IMMP2L: variants seen among roughly 807,000 people sequenced by gnomAD.
IMMP2L encodes inner mitochondrial membrane peptidase subunit 2.
In IMMP2L, 18 loss-of-function variants were observed where a neutral mutation model predicts 19.3. The ratio of observed to expected loss-of-function variants is 0.93; its 90% CI spans 0.64 to 1.38. The LOEUF (loss-of-function observed/expected upper bound fraction) is 1.38. Ranked by LOEUF, IMMP2L falls within the 40% of genes most tolerant of loss-of-function variation. The probability of loss-of-function intolerance (pLI) is 0.00; values close to 1 mark genes in which losing one functional copy is unlikely to be tolerated. For missense variants in IMMP2L, 233 were observed against 218.2 expected (o/e 1.07, Z -0.43); for synonymous variants, 76 against 73.0 (o/e 1.04, Z -0.21).
intron 5 of IMMP2L, among the ~76,000 whole-genome samples, chr7:110,858,647 C>A (rs958711527): frequency 3.9e-5 from 6 of 151,918 alleles, no homozygotes; most frequent in African/African-American, 1.2e-4. Context: ...TACATATGCA[C>A]AATGTGCAGG....
intron 2 of IMMP2L, among the ~76,000 whole-genome samples, chr7:111,494,550 T>C (rs1284587279): frequency 1.3e-5 from 2 of 152,234 alleles, no homozygotes; most frequent in African/African-American, 4.8e-5. Flanking sequence ...GTGTTTTGAA[T>C]AGTCCTTGCC....
intron 5 of IMMP2L, among the ~76,000 whole-genome samples, chr7:110,873,193 A>C (rs2129544046): frequency 6.6e-6 from 1 of 152,216 alleles, no homozygotes; most frequent in African/African-American, 2.4e-5. Flanking sequence ...AGACATGTGG[A>C]TCACTTGAGG....
intron 3 of IMMP2L, among the ~76,000 whole-genome samples, chr7:111,194,349 T>C (rs578199712): frequency 6.6e-6 from 1 of 152,294 alleles, no homozygotes; most frequent in South Asian, 2.1e-4. Context: ...CCTATGACAG[T>C]CTACCATTTA....
intron 4 of IMMP2L, among the ~76,000 whole-genome samples, chr7:110,954,493 T>C (rs1343878022): frequency 6.6e-6 from 1 of 152,062 alleles, no homozygotes; most frequent in African/African-American, 2.4e-5. Context: ...CAACAAAAAC[T>C]ATCACTATCT....
chr7:111,533,608 G>A (rs1487041900), intron 1 of IMMP2L, among the ~76,000 whole-genome samples: 4 of 152,250 alleles, frequency 2.6e-5, no homozygotes, highest in Non-Finnish European at 5.9e-5. Flanking sequence ...GGGAAGAGAA[G>A]TTGAATTAAC....
intron 3 of IMMP2L, among the ~76,000 whole-genome samples, chr7:111,469,821 C>T (rs1841050508): frequency 6.6e-6 from 1 of 152,032 alleles, no homozygotes; most frequent in African/African-American, 2.4e-5. Context: ...TGGGCAAGGA[C>T]TTCATGTCTA....
intron 3 of IMMP2L, among the ~76,000 whole-genome samples, chr7:111,021,043 A>T (rs1421678627): frequency 6.6e-6 from 1 of 152,246 alleles, no homozygotes; most frequent in Non-Finnish European, 1.5e-5. Flanking sequence ...CCAAAAAATA[A>T]TGTGTAGTGA....
At chr7:111,393,086 A>G (rs1832528602) in intron 3 of IMMP2L, among the ~76,000 whole-genome samples, 1 of 151,996 alleles carries the variant, frequency 6.6e-6, no homozygotes, top group Non-Finnish European at 1.5e-5. Flanking sequence ...TTGTCACATG[A>G]GATTAAAAGT....
intron 3 of IMMP2L, among the ~76,000 whole-genome samples, chr7:111,171,789 G>A (rs778942702): frequency 5.3e-5 from 8 of 151,442 alleles, no homozygotes; most frequent in Non-Finnish European, 8.9e-5. Flanking sequence ...TTAAAAAAAT[G>A]CAGGTAGCTT....
At chr7:110,922,340 G>A in intron 4 of IMMP2L, among the ~76,000 whole-genome samples, 1 of 152,204 alleles carries the variant, frequency 6.6e-6, no homozygotes, top group Non-Finnish European at 1.5e-5. Flanking sequence ...AAAATACTAA[G>A]ATGTTTGTCA....
intron 3 of IMMP2L, among the ~76,000 whole-genome samples, chr7:111,185,579 C>T (rs1808180681): frequency 6.6e-6 from 1 of 152,132 alleles, no homozygotes; most frequent in Non-Finnish European, 1.5e-5. Context: ...ATTATGTAAA[C>T]AAAAATTACT....
chr7:111,554,954 G>C (rs1351234454), intron 1 of IMMP2L, among the ~76,000 whole-genome samples: 1 of 152,064 alleles, frequency 6.6e-6, no homozygotes, highest in Non-Finnish European at 1.5e-5. Flanking sequence ...GCTGGAGGTT[G>C]CAAATTTTTT....
intron 5 of IMMP2L, among the ~76,000 whole-genome samples, chr7:110,771,277 G>C (rs1799013749): frequency 2.0e-5 from 3 of 152,248 alleles, no homozygotes; most frequent in South Asian, 4.1e-4. Context: ...TGTTGATGCT[G>C]TTAGTAAGGG....
At chr7:111,506,971 A>G (rs1417525610) in intron 2 of IMMP2L, among the ~76,000 whole-genome samples, 1 of 152,012 alleles carries the variant, frequency 6.6e-6, no homozygotes, top group African/African-American at 2.4e-5. Context: ...CCTCCCAAGT[A>G]GCTGGGACTA....
intron 5 of IMMP2L, among the ~76,000 whole-genome samples, chr7:110,770,024 T>G (rs1483159125): frequency 1.3e-5 from 2 of 152,154 alleles, no homozygotes; most frequent in Non-Finnish European, 2.9e-5. Flanking sequence ...CCAGTCCCTA[T>G]GCATTCATAC....
intron 5 of IMMP2L, among the ~76,000 whole-genome samples, chr7:110,690,885 A>T (rs906328411): frequency 1.3e-5 from 2 of 152,252 alleles, no homozygotes; most frequent in African/African-American, 4.8e-5. Flanking sequence ...GGTGAAAGTG[A>T]CCATACTGCC....
chr7:111,205,791 G>A (rs1810638252), intron 3 of IMMP2L, among the ~76,000 whole-genome samples: 1 of 152,120 alleles, frequency 6.6e-6, no homozygotes, highest in Admixed American at 6.6e-5. Context: ...GAGTTCCACA[G>A]AGGAGCCCAT....
At chr7:111,527,687 T>A (rs1316251163) in intron 1 of IMMP2L, among the ~76,000 whole-genome samples, 1 of 152,112 alleles carries the variant, frequency 6.6e-6, no homozygotes, top group African/African-American at 2.4e-5. Context: ...GCCAATGATG[T>A]AAAAGAACAT....
chr7:111,021,946 G>A (rs751927504), intron 3 of IMMP2L, among the ~76,000 whole-genome samples: 21 of 151,986 alleles, frequency 1.4e-4, no homozygotes, highest in Non-Finnish European at 8.8e-5. Flanking sequence ...GGAAAGACCC[G>A]CCCCCATGAT....
Sources: gnomAD v4.1 joint callset for allele counts (sites outside exome capture counted in the v4.1 genomes callset) on GRCh38, gnomAD v4.1.1 for gene constraint, MANE v1.5 for transcripts, NCBI Gene and HGNC (gene_info 2026-07-23, HGNC 2026-07-21) for gene names.